The following CYP27C1 variants were observed in gnomAD, a reference collection of about 807,000 sequenced individuals.
CYP27C1 encodes the protein cytochrome P450 27C1.
Under a neutral mutation model 40.6 loss-of-function variants are expected in CYP27C1, and 29 were observed. The observed-to-expected ratio is 0.71, with a 90% CI of 0.53 to 0.97. CYP27C1 has a LOEUF of 0.97. Among genes scored for constraint, CYP27C1 ranks in the 50% least tolerant of loss-of-function variants. The pLI is 0.00. For missense variants in CYP27C1, 390 were observed against 485.8 expected (o/e 0.80, Z 1.85); for synonymous variants, 198 against 186.8 (o/e 1.06, Z -0.49).
intron 3 of CYP27C1, among the ~76,000 whole-genome samples, 163 bp downstream of exon 3, chr2:127,203,209 G>A (rs1056987353): frequency 1.3e-5 from 2 of 151,568 alleles, no homozygotes; most frequent in Non-Finnish European, 2.9e-5. Context: ...ATTGGTCAAC[G>A]GTGGTTCACA....
At chr2:127,197,916 A>G (rs1047653124) in intron 5 of CYP27C1, among the ~76,000 whole-genome samples, 4 of 151,708 alleles carry the variant, frequency 2.6e-5, no homozygotes, top group Admixed American at 2.6e-4. Context: ...TTAACTATCT[A>G]GTGTGTTCCC....
rs1266086436 is a variant in CYP27C1, at chr2:127,220,116, C to G, written c.155G>C (p.Gly52Ala). ...RAEDKGAGRP[G>A]SPPGGGRAEG... Reference sequence around the variant, plus strand: ...GGCTCGGCCCCCTCCCGGCGGCGACCCCGGCCGCCCGGCGCCTTTGTCCTC... The same window carrying G: ...GGCTCGGCCCCCTCCCGGCGGCGACGCCGGCCGCCCGGCGCCTTTGTCCTC... The change falls in exon 1 of 9, where the codon GGG (glycine) becomes GCG (alanine). Residue 52 changes from glycine to alanine, a missense_variant. Transcript: ENST00000664447. The surrounding 1 kb of genome is among the most constrained non-coding windows in gnomAD (Gnocchi z 4.6). 3 of 150,592 alleles carry G rather than the reference C, an allele frequency of 2.0e-5. No homozygotes were observed. The highest frequency in any genetic ancestry group is 7.3e-5 in the African/African-American group (3 of 41,356). 9.3% of individuals were successfully genotyped at this position (150,592 alleles called of 1,614,324 possible). A position where few individuals can be genotyped will look rare whatever the true frequency, so the allele number is the denominator to read the frequency against.
Position 127,199,373 on chromosome 2 carries a change from C to T in CYP27C1, c.1047+3G>A. 6.2e-7 allele frequency: 1 copy of T among 1,613,958 alleles called. No homozygotes were observed. Among genetic ancestry groups the T allele is most frequent in the Non-Finnish European group, 8.5e-7 (1 of 1,179,896 alleles). ...TTGCTGAGAACAGGACCCCCAGACT[C>T]ACCGTGTCGACGCCGGCCAGCAGCA... On this transcript the variant is annotated splice_donor_region_variant and intron_variant, in intron 5 of 8. Coordinates refer to ENST00000664447, the MANE Select transcript of CYP27C1 (RefSeq NM_001367502.1).
intron 5 of CYP27C1, among the ~76,000 whole-genome samples, chr2:127,199,101 A>G (rs1259199228): frequency 1.3e-5 from 2 of 152,218 alleles, no homozygotes; most frequent in Non-Finnish European, 2.9e-5. Flanking sequence ...CCTGGCCAAC[A>G]TGGTGAAACC....
intron 8 of CYP27C1, among the ~76,000 whole-genome samples, chr2:127,189,575 C>T (rs1682715684): frequency 6.9e-6 from 1 of 144,386 alleles, no homozygotes; most frequent in African/African-American, 2.6e-5. Flanking sequence ...ACCTATGTAA[C>T]AAACCTACGT....
intron 1 of CYP27C1, among the ~76,000 whole-genome samples, chr2:127,217,547 C>A (rs1284472605): frequency 6.6e-6 from 1 of 152,230 alleles, no homozygotes; most frequent in African/African-American, 2.4e-5. Context: ...TAGCCCAAGG[C>A]TCCACAGGTG....
intron 8 of CYP27C1, among the ~76,000 whole-genome samples, chr2:127,192,882 C>T (rs1443349703): frequency 6.7e-6 from 1 of 149,696 alleles, no homozygotes; most frequent in East Asian, 2.0e-4. Flanking sequence ...GTGATCACGG[C>T]TCACTGCAGC....
At position 127,193,810 on chromosome 2, in the gene CYP27C1, G is replaced by T. The variant is rs146272230; in HGVS notation, c.1272C>A (p.Gly424=). 5.6e-4 allele frequency: 910 copies of T among 1,614,108 alleles called. 5 individuals carry two copies. In the African/African-American group the frequency reaches 0.011, roughly 19 times the overall value. ...TCACGCCTTTCGGAATCAGATACCC[G>T]CCAATAACCAGGTCTTCCTGGGTGA... ...GRVTQEDLVI[G]GYLIPKGTQL... The change falls in exon 7 of 9, where the codon GGC becomes GGA. Residue 424 remains glycine (G), a synonymous_variant. Transcript: ENST00000664447.
At chr2:127,199,764 A>G (rs188951781) in intron 4 of CYP27C1, among the ~76,000 whole-genome samples, 34 of 152,392 alleles carry the variant, frequency 2.2e-4, no homozygotes, top group African/African-American at 8.2e-4. Flanking sequence ...CCTTTTTAAA[A>G]ATAAGCTGTA....
At chr2:127,192,985 C>A in intron 8 of CYP27C1, 109 bp downstream of exon 8, 1 of 1,405,294 alleles carries the variant, frequency 7.1e-7, no homozygotes, top group African/African-American at 1.4e-5. Context: ...GGCTCTTGAT[C>A]TTAAGTTTCC....
intron 1 of CYP27C1, among the ~76,000 whole-genome samples, chr2:127,214,945 G>A (rs866553038): frequency 1.3e-5 from 2 of 151,248 alleles, no homozygotes; most frequent in Admixed American, 6.6e-5. Flanking sequence ...TGGCTAACAC[G>A]AGGAAACCCC....
rs1435308937 is a variant in CYP27C1, at chr2:127,201,858, G to T, written c.674-527C>A. ...AGTGACTCCTCCTGGCCAAAACGCA[G>T]AGCCCAGGCCTGGAGAGCTAAAGGC... On this transcript the variant is annotated intron_variant, in intron 3 of 8. Transcript: ENST00000664447. This position sits in a 1 kb window ranked among gnomAD's most constrained non-coding sequence, Gnocchi z 6.0. Among the ~76,000 whole-genome samples, 3 of 152,170 alleles carry T rather than the reference G, an allele frequency of 2.0e-5. No homozygotes were observed. Among genetic ancestry groups the T allele is most frequent in the African/African-American group, 7.2e-5 (3 of 41,438 alleles).
chr2:127,193,777 C>T lies in CYP27C1; in HGVS notation c.1293+12G>A, dbSNP rs201273096. On this transcript the variant is annotated intron_variant, in intron 7 of 8. Transcript: ENST00000664447. ...CCGCAAGGCCTGGCCACCCCCATGG[C>T]CCCAAACTCACGCCTTTCGGAATCA... 55 of 1,614,182 alleles carry T rather than the reference C, an allele frequency of 3.4e-5. No individual in the cohort carries two copies. The East Asian group carries it at 1.2e-3, about 34-fold the overall frequency.
chr2:127,188,369 A>T (rs1682683189), intron 8 of CYP27C1, among the ~76,000 whole-genome samples: 1 of 152,152 alleles, frequency 6.6e-6, no homozygotes, highest in Non-Finnish European at 1.5e-5. Context: ...CCTCCTCAGT[A>T]GCTGGGACTA....
rs2104697542 is a variant in CYP27C1 at position 127,209,455 on chromosome 2, C to T, written c.283-3365G>A. On this transcript the variant is annotated intron_variant, in intron 1 of 8. Coordinates refer to ENST00000664447, the MANE Select transcript of CYP27C1 (RefSeq NM_001367502.1). This position sits in a 1 kb window ranked among gnomAD's most constrained non-coding sequence, Gnocchi z 4.1. The stretch of plus-strand genomic sequence containing the variant: ...AAACCAAAAGGCCTGAGTGCCTCTT[C>T]TCCTCCAAATAATCACAATGTCTCT... Among the ~76,000 whole-genome samples, 1 of 152,302 alleles carries T rather than the reference C, an allele frequency of 6.6e-6. No individual in the cohort carries two copies. The highest frequency in any genetic ancestry group is 1.5e-5 in the Non-Finnish European group (1 of 68,028).
chr2:127,193,009 CTT>C, intron 8 of CYP27C1, 83 bp downstream of exon 8: 1 of 1,523,888 alleles, frequency 6.6e-7, no homozygotes, highest in East Asian at 2.4e-5. Flanking sequence ...ACCGTCTTTG[CTT>C]TTCAACCTGG....
In CYP27C1 at chr2:127,199,409, G is replaced by A. The variant is rs372803782; in HGVS notation, c.1014C>T (p.Asn338=). Residue 338 remains asparagine, a synonymous_variant, in exon 5 of 9, where the codon AAC becomes AAT. Coordinates refer to ENST00000664447, the MANE Select transcript of CYP27C1 (RefSeq NM_001367502.1). ...QALTLQEIYA[N]VTEMLLAGVD... ...CGCCGGCCAGCAGCATCTCAGTCAC[G>A]TTGGCGTAGATCTCCTGCAGCGTCA... is the stretch of plus-strand genomic sequence containing the variant. The A allele has an allele frequency of 3.4e-5, 55 of 1,614,180 alleles. No homozygotes were observed. In the African/African-American group the frequency reaches 3.5e-4, roughly 10 times the overall value.
At position 127,185,200 on chromosome 2, in the gene CYP27C1, T is replaced by C. The variant is rs1220186588; in HGVS notation, c.*2071A>G. ...GAACCTAGAAACTTGTCCAGCTGAA[T>C]CTCCATTTCTTTGGCGTGGATGCTT... On this transcript the variant is annotated 3_prime_UTR_variant, in exon 9 of 9. Transcript: ENST00000664447. The surrounding 1 kb of genome is among the most constrained non-coding windows in gnomAD (Gnocchi z 4.9). 6.6e-6 allele frequency: 1 copy of C among 152,274 alleles called. No individual in the cohort carries two copies. Among genetic ancestry groups the C allele is most frequent in the Non-Finnish European group, 1.5e-5 (1 of 68,128 alleles). 9.4% of individuals were successfully genotyped at this position (152,274 alleles called of 1,614,324 possible).
chr2:127,199,183 AG>A (rs1267110104), intron 5 of CYP27C1, among the ~76,000 whole-genome samples, 192 bp downstream of exon 5: 1 of 152,196 alleles, frequency 6.6e-6, no homozygotes, highest in African/African-American at 2.4e-5. Flanking sequence ...GCTACTCTGG[AG>A]GCTGAGGCAA....
Sources: gnomAD v4.1 joint callset for allele counts (sites outside exome capture counted in the v4.1 genomes callset) on GRCh38, gnomAD v4.1.1 for gene constraint, Gnocchi (gnomAD v3.1) non-coding constraint, MANE v1.5 for transcripts, NCBI Gene and HGNC (gene_info 2026-07-23, HGNC 2026-07-21) for gene names.